Variants in GRIK1 observed in about 807,000 individuals in gnomAD.
GRIK1 encodes glutamate receptor ionotropic, kainate 1.
GRIK1 carries 69 observed loss-of-function variants against 105.7 expected under a neutral mutation model. The ratio of observed to expected loss-of-function variants is 0.65; its 90% CI spans 0.54 to 0.80. GRIK1 has a LOEUF of 0.80. Among genes scored for constraint, GRIK1 ranks in the 30% least tolerant of loss-of-function variants. The probability of loss-of-function intolerance (pLI) is 0.00; values close to 1 mark genes in which losing one functional copy is unlikely to be tolerated. For synonymous variants in GRIK1, 438 were observed against 431.3 expected, an observed-to-expected ratio of 1.02 and a Z score of -0.19; for missense variants, 1,109 against 1,167.3, an observed-to-expected ratio of 0.95 and a Z score of 0.73.
intron 4 of GRIK1, among the ~76,000 whole-genome samples, chr21:29,664,024 G>T (rs145878747): frequency 3.3e-5 from 5 of 152,178 alleles, no homozygotes; most frequent in Non-Finnish European, 7.3e-5. Context: ...GAATGTGAAA[G>T]GTGAGAGCAA....
At position 29,733,395 on chromosome 21, in the gene GRIK1, C is replaced by T. The variant is rs563993092; in HGVS notation, c.119-39332G>A. 2.0e-5 allele frequency among the ~76,000 whole-genome samples: 3 copies of T among 152,094 alleles called. No individual in the cohort carries two copies. In the South Asian group the frequency reaches 6.2e-4, roughly 32 times the overall value. ...CCAATTGAGTCTTGCTATATTCTAG[C>T]TATATGAACATTTTTTCCTGATTTT... On this transcript the variant is annotated intron_variant, in intron 1 of 17. Transcript: ENST00000327783.
At chr21:29,695,060 T>C (rs777997587) in intron 1 of GRIK1, among the ~76,000 whole-genome samples, 4 of 152,204 alleles carry the variant, frequency 2.6e-5, no homozygotes, top group Non-Finnish European at 5.9e-5. Flanking sequence ...AATATGTCCC[T>C]TCACTGAGCA....
intron 1 of GRIK1, among the ~76,000 whole-genome samples, chr21:29,885,650 A>G (rs1458762466): frequency 6.6e-6 from 1 of 152,100 alleles, no homozygotes; most frequent in Non-Finnish European, 1.5e-5. Flanking sequence ...TACATGAGTT[A>G]ATGTACTGAT....
chr21:29,656,354 C>CAAAAAAAAAAAAAAAAAAAAAAAA (rs3054331), intron 4 of GRIK1, among the ~76,000 whole-genome samples: 6 of 51,170 alleles, frequency 1.2e-4, no homozygotes, highest in African/African-American at 1.6e-4. Flanking sequence ...GAGCGAGACT[C>CAAAAAAAAAAAAAAAAAAAAAAAA]AAAAAAAAAA....
intron 1 of GRIK1, among the ~76,000 whole-genome samples, chr21:29,825,454 T>C (rs1279101103): frequency 1.3e-5 from 2 of 152,100 alleles, no homozygotes; most frequent in Admixed American, 1.3e-4. Flanking sequence ...TTGATATCTG[T>C]GATGCTAGAG....
At chr21:29,826,782 G>GT (rs1292146489) in intron 1 of GRIK1, among the ~76,000 whole-genome samples, 1 of 152,012 alleles carries the variant, frequency 6.6e-6, no homozygotes, top group Non-Finnish European at 1.5e-5. Flanking sequence ...ATTCTCCAGA[G>GT]AACACTAACA....
chr21:29,731,062 A>G (rs2064612519), intron 1 of GRIK1, among the ~76,000 whole-genome samples: 1 of 152,206 alleles, frequency 6.6e-6, no homozygotes, highest in Non-Finnish European at 1.5e-5. Context: ...AGATTAGGAA[A>G]CAAAAAGAAG....
At chr21:29,640,731 C>T (rs1203559851) in intron 7 of GRIK1, among the ~76,000 whole-genome samples, 1 of 152,116 alleles carries the variant, frequency 6.6e-6, no homozygotes, top group Non-Finnish European at 1.5e-5. Flanking sequence ...TCTGCCTCTC[C>T]TTGAACTTCT....
chr21:29,899,834 C>G (rs1415406645), intron 1 of GRIK1, among the ~76,000 whole-genome samples: 2 of 152,090 alleles, frequency 1.3e-5, no homozygotes, highest in African/African-American at 2.4e-5. Context: ...ATCGTCAGGT[C>G]ATGCTGAGGA....
At chr21:29,580,778 A>G (rs1018659989) in intron 13 of GRIK1, among the ~76,000 whole-genome samples, 3 of 152,170 alleles carry the variant, frequency 2.0e-5, no homozygotes, top group Non-Finnish European at 4.4e-5. Flanking sequence ...CACAAAAGAA[A>G]TGGAGTTCTT....
At chr21:29,754,550 T>C (rs2065286718) in intron 1 of GRIK1, among the ~76,000 whole-genome samples, 1 of 152,174 alleles carries the variant, frequency 6.6e-6, no homozygotes, top group African/African-American at 2.4e-5. Flanking sequence ...GGGATTTCTG[T>C]GAGGAATAAA....
chr21:29,622,238 C>T (rs1024700348), intron 7 of GRIK1, among the ~76,000 whole-genome samples: 28 of 152,170 alleles, frequency 1.8e-4, no homozygotes, highest in African/African-American at 6.0e-4. Flanking sequence ...TGAGCCACCA[C>T]GCCCGGCCTC....
intron 1 of GRIK1, chr21:29,749,213 G>C (rs1483015484): frequency 1.3e-5 from 2 of 152,194 alleles, no homozygotes; most frequent in African/African-American, 2.4e-5. Flanking sequence ...TCCTGTTGGG[G>C]AAAAAGTTAG....
chr21:29,820,488 CA>C (rs1276576673), intron 1 of GRIK1, among the ~76,000 whole-genome samples: 1 of 151,886 alleles, frequency 6.6e-6, no homozygotes, highest in Non-Finnish European at 1.5e-5. Context: ...GATACGCTGG[CA>C]AAAATAGGTA....
At chr21:29,926,130 G>A (rs1030724371) in intron 1 of GRIK1, among the ~76,000 whole-genome samples, 1 of 150,166 alleles carries the variant, frequency 6.7e-6, no homozygotes, top group Admixed American at 6.6e-5. Context: ...AACTTGCAAG[G>A]TATGTATAGT....
intron 1 of GRIK1, among the ~76,000 whole-genome samples, chr21:29,825,525 A>G (rs1194859473): frequency 6.6e-6 from 1 of 152,082 alleles, no homozygotes; most frequent in Non-Finnish European, 1.5e-5. Flanking sequence ...ATAACACATG[A>G]ATATGTTAAT....
intron 1 of GRIK1, among the ~76,000 whole-genome samples, chr21:29,739,516 T>G (rs1015223231): frequency 1.3e-5 from 2 of 152,120 alleles, no homozygotes; most frequent in African/African-American, 4.8e-5. Flanking sequence ...TAGGGAGAGA[T>G]AAGACCAAGC....
chr21:29,689,583 A>G (rs1335939583), intron 3 of GRIK1, 145 bp downstream of exon 3: 3 of 715,250 alleles, frequency 4.2e-6, no homozygotes, highest in Non-Finnish European at 7.4e-6. Context: ...CACATGCATT[A>G]TTAAATTACT....
chr21:29,927,822 G>T (rs2071432307), intron 1 of GRIK1, among the ~76,000 whole-genome samples: 1 of 152,050 alleles, frequency 6.6e-6, no homozygotes, highest in Non-Finnish European at 1.5e-5. Flanking sequence ...AGTGAGCCAA[G>T]ATCGCACCAC....
Sources: allele counts gnomAD v4.1 joint callset (sites outside exome capture counted in the v4.1 genomes callset), GRCh38; gene constraint gnomAD v4.1.1; transcripts MANE v1.5; gene names NCBI Gene and HGNC (gene_info 2026-07-23, HGNC 2026-07-21).